CPD: variants seen among roughly 807,000 people sequenced by gnomAD.
CPD encodes metallocarboxypeptidase D.
A neutral mutation model predicts 138.3 loss-of-function variants in CPD; 69 were observed. The observed-to-expected ratio is 0.50, with a 90% CI of 0.41 to 0.61. CPD has a LOEUF of 0.61. Among genes scored for constraint, CPD ranks in the 20% least tolerant of loss-of-function variants. The probability of loss-of-function intolerance (pLI) is 0.00; values close to 1 mark genes in which losing one functional copy is unlikely to be tolerated. For synonymous variants in CPD, 651 were observed against 642.1 expected (o/e 1.01, Z -0.21); for missense variants, 1,432 against 1,733.3 (o/e 0.83, Z 3.09).
intron 2 of CPD, among the ~76,000 whole-genome samples, chr17:30,403,427 C>T (rs2143360150): frequency 6.6e-6 from 1 of 152,306 alleles, no homozygotes; most frequent in Non-Finnish European, 1.5e-5. Flanking sequence ...AGATCCCTTT[C>T]TCACATTCCC....
chr17:30,382,458 G>A (rs753912064), intron 1 of CPD, among the ~76,000 whole-genome samples: 11 of 152,150 alleles, frequency 7.2e-5, no homozygotes, highest in Non-Finnish European at 1.5e-4. Context: ...AATAAGATTG[G>A]AGTTGATTTG....
chr17:30,452,033 T>C (rs1011277253), intron 14 of CPD, among the ~76,000 whole-genome samples, 187 bp downstream of exon 14: 6 of 152,248 alleles, frequency 3.9e-5, no homozygotes, highest in Non-Finnish European at 7.3e-5. Flanking sequence ...TTTGCAAAAA[T>C]AATTTAAGTT....
intron 2 of CPD, among the ~76,000 whole-genome samples, chr17:30,418,168 A>G (rs939841097): frequency 1.4e-5 from 2 of 146,064 alleles, no homozygotes; most frequent in East Asian, 2.2e-4. Context: ...TAATATCTCT[A>G]TTATTAATAT....
rs1198480379 is a variant in CPD, at chr17:30,464,494, TGA to T, written c.3917-92_3917-91del. The T allele has an allele frequency of 1.0e-5, 9 of 898,384 alleles. No individual in the cohort carries two copies. In the African/African-American group the frequency reaches 1.3e-4, roughly 13 times the overall value. 55.7% of individuals were successfully genotyped at this position (898,384 alleles called of 1,614,324 possible). A position where few individuals can be genotyped will look rare whatever the true frequency, so the allele number is the denominator to read the frequency against. On this transcript the variant is annotated intron_variant, in intron 20 of 20. Coordinates refer to ENST00000225719, the MANE Select transcript of CPD (RefSeq NM_001304.5). ...GTGCATGAAATAGAAATAAAATAAA[TGA>T]GGGGTATATTATTAAAAGTTCCATT...
chr17:30,390,277 A>C (rs946231822), intron 2 of CPD, among the ~76,000 whole-genome samples: 2 of 152,114 alleles, frequency 1.3e-5, no homozygotes, highest in African/African-American at 4.8e-5. Context: ...TTGGCCTCCC[A>C]AAGTGCTGGG....
In CPD at chr17:30,385,247, C is replaced by T. The variant is rs773772446; in HGVS notation, c.994+11C>T. ...GGTATGATGTGGAAGGTATGCAAAG[C>T]ATTGAGTTTGCTACATTTTCCCCCT... On this transcript the variant is annotated intron_variant, in intron 2 of 20. Coordinates refer to ENST00000225719, the MANE Select transcript of CPD (RefSeq NM_001304.5). The T allele has an allele frequency of 6.2e-7, 1 of 1,612,288 alleles. No homozygotes were observed. The highest frequency in any genetic ancestry group is 8.5e-7 in the Non-Finnish European group (1 of 1,178,694).
At chr17:30,442,184 A>T in intron 9 of CPD, 124 bp from the exon 10 acceptor site, 1 of 774,760 alleles carries the variant, frequency 1.3e-6, no homozygotes, top group South Asian at 2.0e-5. Context: ...TCACATGAAC[A>T]CGTTAGCTTA....
rs549565879 is a variant in CPD at position 30,379,571 on chromosome 17, C to T, written c.591C>T (p.Phe197=). The change falls in exon 1 of 21, where the codon TTC becomes TTT. Residue 197 remains phenylalanine, a synonymous_variant. Transcript: ENST00000225719. The surrounding 1 kb of genome is among the most constrained non-coding windows in gnomAD (Gnocchi z 7.0). ...FERAREGDCG[F]GDGGPSGASG... ...GTGCCCGCGAGGGCGACTGTGGCTT[C>T]GGCGACGGCGGCCCGTCCGGGGCCA... The T allele has an allele frequency of 3.8e-5, 58 of 1,517,784 alleles. No individual in the cohort carries two copies. The African/African-American group carries it at 6.6e-4, about 17-fold the overall frequency. 94.0% of individuals were successfully genotyped at this position (1,517,784 alleles called of 1,614,324 possible).
At chr17:30,450,383 G>A (rs1040872227) in intron 13 of CPD, 2 of 152,022 alleles carry the variant, frequency 1.3e-5, no homozygotes, top group African/African-American at 4.8e-5. Context: ...CTGACTTGAG[G>A]GACTTCCATT....
rs1228790719 is a variant in CPD at position 30,422,683 on chromosome 17, A to T, written c.1317A>T (p.Pro439=). The T allele has an allele frequency of 4.4e-6, 7 of 1,607,272 alleles. No individual in the cohort carries two copies. The African/African-American group carries it at 8.0e-5, about 18-fold the overall frequency. Residue 439 remains proline, a synonymous_variant, in exon 5 of 21, where the codon CCA becomes CCT. Transcript: ENST00000225719. ...NLTVVLTGYM[P]LTVTNVVVKE... is the part of the protein sequence containing the mutation. Reference sequence around the variant, plus strand: ...CAAATTTTTTTTTCAGGTATATGCCATTGACTGTTACTAATGTAGTGGTGA... The same window carrying T: ...CAAATTTTTTTTTCAGGTATATGCCTTTGACTGTTACTAATGTAGTGGTGA...
chr17:30,405,967 T>C (rs1265912702), intron 2 of CPD, among the ~76,000 whole-genome samples: 1 of 152,238 alleles, frequency 6.6e-6, no homozygotes, highest in African/African-American at 2.4e-5. Flanking sequence ...TAGCATTTTA[T>C]AATATTGATT....
rs1913707589 is a variant in CPD at position 30,468,678 on chromosome 17, G to C, written c.*3864G>C. On this transcript the variant is annotated 3_prime_UTR_variant, in exon 21 of 21. Transcript: ENST00000225719. ...TAATCCTGTATAAAAGTTATTTTACGATGTTTGTCTTTCTTTGTGTTTTGT... is the reference window on the plus strand; with the variant it reads ...TAATCCTGTATAAAAGTTATTTTACCATGTTTGTCTTTCTTTGTGTTTTGT... The C allele has an allele frequency of 6.6e-6, 1 of 152,442 alleles. No individual in the cohort carries two copies. The highest frequency in any genetic ancestry group is 1.5e-5 in the Non-Finnish European group (1 of 67,972). The allele number at this position is 152,442 out of a possible 1,614,324, so 9.4% of individuals were successfully genotyped here.
At position 30,469,064 on chromosome 17, in the gene CPD, C is replaced by T. The variant is rs1357067178; in HGVS notation, c.*4250C>T. On this transcript the variant is annotated 3_prime_UTR_variant, in exon 21 of 21. Coordinates refer to ENST00000225719, the MANE Select transcript of CPD (RefSeq NM_001304.5). The stretch of plus-strand genomic sequence containing the variant: ...GAGGCCCAGTTAGAATAATGTGTCC[C>T]GGCACTTTTAGGCACAGCAAGGATG... The T allele has an allele frequency of 6.6e-6, 1 of 152,028 alleles. No homozygotes were observed. Among genetic ancestry groups the T allele is most frequent in the East Asian group, 1.9e-4 (1 of 5,202 alleles). The allele number at this position is 152,028 out of a possible 1,614,324, so 9.4% of individuals were successfully genotyped here.
chr17:30,440,094 T>C (rs1373122259), intron 9 of CPD, among the ~76,000 whole-genome samples: 22 of 137,200 alleles, frequency 1.6e-4, no homozygotes, highest in Admixed American at 3.0e-4. Context: ...TTTTAATGAT[T>C]GCCATTCTAA....
Position 30,427,527 on chromosome 17 carries a change from T to G in CPD, c.1986T>G (p.Tyr662Ter). The G allele has an allele frequency of 6.2e-7, 1 of 1,614,138 alleles. No homozygotes were observed. Among genetic ancestry groups the G allele is most frequent in the Non-Finnish European group, 8.5e-7 (1 of 1,180,006 alleles). ...CTGTAATGAGCTGGATGAAGTCCTATCCATTTGTACTTTCAGCAAACCTGC... is the reference window on the plus strand; with the variant it reads ...CTGTAATGAGCTGGATGAAGTCCTAGCCATTTGTACTTTCAGCAAACCTGC... ...TIAVMSWMKS[Y>*]PFVLSANLHG... Residue 662 changes from tyrosine to a stop codon, truncating the protein, a stop_gained, in exon 7 of 21, where the codon TAT becomes TAG. Transcript: ENST00000225719. LOFTEE classifies it high-confidence loss of function.
Position 30,384,188 on chromosome 17 carries a change from C to CT in CPD, c.747-800dup, listed in dbSNP as rs1279295854. Among the ~76,000 whole-genome samples, 19 of 152,284 alleles carry CT rather than the reference C, an allele frequency of 1.2e-4. No individual in the cohort carries two copies. In the East Asian group the frequency reaches 3.3e-3, roughly 26 times the overall value. The stretch of plus-strand genomic sequence containing the variant: ...CTTTGACATGGTGTATTGTTTTTCT[C>CT]TGTAAGCAGCTCACTGAATCAGGTT... On this transcript the variant is annotated intron_variant, in intron 1 of 20. Transcript: ENST00000225719.
chr17:30,379,182 C>A lies in CPD; in HGVS notation c.202C>A (p.Leu68Met), dbSNP rs1309546134. ...YYHEEELESA[L>M]REAAAAGLPG... ...CCACGAAGAGGAGTTGGAGTCGGCGCTGAGGGAGGCGGCGGCCGCGGGCCT... is the reference window on the plus strand; with the variant it reads ...CCACGAAGAGGAGTTGGAGTCGGCGATGAGGGAGGCGGCGGCCGCGGGCCT... Residue 68 changes from leucine (L) to methionine (M), a missense_variant, in exon 1 of 21, where the codon CTG (leucine) becomes ATG (methionine). This residue lies in a region of CPD where 484 missense variants were observed against 477.2 expected (regional missense o/e 1.01). Coordinates refer to ENST00000225719, the MANE Select transcript of CPD (RefSeq NM_001304.5). The surrounding 1 kb of genome is among the most constrained non-coding windows in gnomAD (Gnocchi z 7.0). 6.5e-7 allele frequency: 1 copy of A among 1,532,656 alleles called. No homozygotes were observed. Among genetic ancestry groups the A allele is most frequent in the East Asian group, 2.5e-5 (1 of 39,552 alleles). The allele number at this position is 1,532,656 out of a possible 1,614,324, so 94.9% of individuals were successfully genotyped here. A position where few individuals can be genotyped will look rare whatever the true frequency, so the allele number is the denominator to read the frequency against.
At position 30,379,583 on chromosome 17, in the gene CPD, C is replaced by T. The variant is rs1910986730; in HGVS notation, c.603C>T (p.Gly201=). Residue 201 remains glycine, a synonymous_variant, in exon 1 of 21, where the codon GGC becomes GGT. Transcript: ENST00000225719. The surrounding 1 kb of genome is among the most constrained non-coding windows in gnomAD (Gnocchi z 7.0). ...GCGACTGTGGCTTCGGCGACGGCGG[C>T]CCGTCCGGGGCCAGCGGCCGCGACA... ...REGDCGFGDG[G]PSGASGRDNS... The T allele has an allele frequency of 1.3e-6, 2 of 1,510,600 alleles. No individual in the cohort carries two copies. Among genetic ancestry groups the T allele is most frequent in the South Asian group, 1.3e-5 (1 of 79,992 alleles). The allele number at this position is 1,510,600 out of a possible 1,614,324, so 93.6% of individuals were successfully genotyped here.
Position 30,422,918 on chromosome 17 carries a change from A to G in CPD, c.1552A>G (p.Asn518Asp). The G allele has an allele frequency of 6.2e-7, 1 of 1,614,122 alleles. No individual in the cohort carries two copies. The highest frequency in any genetic ancestry group is 8.5e-7 in the Non-Finnish European group (1 of 1,179,948). Reference sequence around the variant, plus strand: ...GGAAATCTTCTTGAGAAGGTTTGCCAATGAATATCCTAACATTACCCGGCT... The same window carrying G: ...GGAAATCTTCTTGAGAAGGTTTGCCGATGAATATCCTAACATTACCCGGCT... Reference protein sequence around the residue: ...DMEIFLRRFANEYPNITRLYS... With the variant: ...DMEIFLRRFADEYPNITRLYS... The change falls in exon 5 of 21, where the codon AAT (asparagine) becomes GAT (aspartate). Residue 518 changes from asparagine to aspartate, a missense_variant. By Grantham distance (23) the Asn-to-Asp change is conservative. Coordinates refer to ENST00000225719, the MANE Select transcript of CPD (RefSeq NM_001304.5).
Sources: allele counts gnomAD v4.1 joint callset (sites outside exome capture counted in the v4.1 genomes callset), GRCh38; gene constraint gnomAD v4.1.1; regional missense constraint gnomAD v4.1.1; non-coding constraint Gnocchi (gnomAD v3.1); transcripts MANE v1.5; gene names NCBI Gene and HGNC (gene_info 2026-07-23, HGNC 2026-07-21).